The following AMPD3 variants were observed in gnomAD, a reference collection of about 807,000 sequenced individuals.
AMPD3 encodes the protein AMP deaminase 3.
AMPD3 carries 57 observed loss-of-function variants against 82.3 expected under a neutral mutation model. The ratio of observed to expected loss-of-function variants is 0.69; its 90% CI spans 0.56 to 0.86. The LOEUF is 0.86. Among genes scored for constraint, AMPD3 ranks in the 40% least tolerant of loss-of-function variants. The pLI is 0.00. For missense variants in AMPD3, 870 were observed against 1,003.8 expected, an observed-to-expected ratio of 0.87 and a Z score of 1.80; for synonymous variants, 381 against 394.7, an observed-to-expected ratio of 0.97 and a Z score of 0.41.
At chr11:10,497,506 AG>A (rs1849448159) in intron 10 of AMPD3, 3 of 908,284 alleles carry the variant, frequency 3.3e-6, no homozygotes, top group South Asian at 5.0e-5. Flanking sequence ...CCTGGGATCG[AG>A]GGGGTATCAG....
rs200373616 is a variant in AMPD3 at position 10,484,830 on chromosome 11, T to G, written c.600T>G (p.Pro200=). ...AATCCTGTTTTGCAGACTTCCACCC[T>G]CCTCCACTGCCCCAGGAAGACCCCT... ...PPEEGLPDFH[P]PPLPQEDPYC... The change falls in exon 5 of 15, where the codon CCT becomes CCG. Residue 200 remains proline (P), a synonymous_variant. Transcript: ENST00000396553. The G allele has an allele frequency of 2.7e-5, 44 of 1,613,938 alleles. No individual in the cohort carries two copies. In the Admixed American group the frequency reaches 4.0e-4, roughly 15 times the overall value.
In AMPD3 at chr11:10,461,591, G is replaced by A; in HGVS notation, c.72G>A (p.Val24=). The A allele has an allele frequency of 1.9e-6, 3 of 1,614,254 alleles. No homozygotes were observed. Among genetic ancestry groups the A allele is most frequent in the Non-Finnish European group, 1.7e-6 (2 of 1,180,046 alleles). Residue 24 remains valine (V), a synonymous_variant, in exon 2 of 15, where the codon GTG becomes GTA. Transcript: ENST00000396553. ...AAGTCCGGCTCCTGGCGGAGAAGGT[G>A]TTTGCTAAAGTGCTCCGAGAAGAGG... is the stretch of plus-strand genomic sequence containing the variant. ...DEQVRLLAEK[V]FAKVLREEDS... is the part of the protein sequence containing the mutation.
chr11:10,471,999 G>A (rs1341725410), intron 2 of AMPD3, among the ~76,000 whole-genome samples: 1 of 152,182 alleles, frequency 6.6e-6, no homozygotes. Context: ...GCACACGTAT[G>A]TTTATTGCAG....
intron 14 of AMPD3, 56 bp downstream of exon 14, chr11:10,504,715 G>A: frequency 1.3e-6 from 2 of 1,505,964 alleles, no homozygotes; most frequent in Non-Finnish European, 1.8e-6. Flanking sequence ...CCTGCTGTGT[G>A]CCAGGAGCCT....
Position 10,482,040 on chromosome 11 carries a change from T to C in AMPD3, c.427-23T>C, listed in dbSNP as rs769842903. On this transcript the variant is annotated intron_variant, in intron 3 of 14. Transcript: ENST00000396553. ...TCTCAGGCCTGCTGCATGAACCCTT[T>C]CCTGCCTGCCTCCCTTCTGCAGATC... The C allele has an allele frequency of 8.8e-5, 142 of 1,614,054 alleles. 2 individuals are homozygous for C. In the South Asian group the frequency reaches 1.4e-3, roughly 15 times the overall value.
At chr11:10,502,361 G>T (rs1849603180) in intron 12 of AMPD3, 3 of 985,458 alleles carry the variant, frequency 3.0e-6, no homozygotes, top group Non-Finnish European at 3.6e-6. Flanking sequence ...ACAGCTAGAG[G>T]GGGGCATCTT....
At chr11:10,451,072 C>T (rs764081067), upstream of AMPD3, 70 of 1,565,584 alleles carry the variant, frequency 4.5e-5, no homozygotes, top group Non-Finnish European at 5.3e-5. Context: ...GCGCTGCTGA[C>T]CTTGGGCCAG....
chr11:10,503,349 G>A (rs573387757), intron 13 of AMPD3, among the ~76,000 whole-genome samples: 20 of 152,236 alleles, frequency 1.3e-4, no homozygotes, highest in African/African-American at 4.8e-4. Context: ...TACACTTTGG[G>A]TCTCTGGGAA....
At chr11:10,458,810 A>C (rs1338815908) in intron 1 of AMPD3, among the ~76,000 whole-genome samples, 6 of 152,170 alleles carry the variant, frequency 3.9e-5, no homozygotes, top group Non-Finnish European at 7.4e-5. Flanking sequence ...TGTAGAAGTA[A>C]AGTTGCTTAG....
At chr11:10,505,278 A>G in intron 14 of AMPD3, 1 of 978,244 alleles carries the variant, frequency 1.0e-6, no homozygotes. Flanking sequence ...TGCTCGTCGG[A>G]TGATGATGCA....
In AMPD3 at chr11:10,487,423, A is replaced by T. The variant is rs1194346537; in HGVS notation, c.939+59A>T. 1.9e-6 allele frequency: 3 copies of T among 1,609,548 alleles called. No individual in the cohort carries two copies. In the African/African-American group the frequency reaches 4.0e-5, roughly 22 times the overall value. ...CCCGGTCCCCCTCCCAGCCCATGGG[A>T]TGCCCTGAGCCAGTCTGAGGCTTGT... On this transcript the variant is annotated intron_variant, in intron 6 of 14. Coordinates refer to ENST00000396553, the MANE Select transcript of AMPD3 (RefSeq NM_001025389.2).
At chr11:10,482,311 C>T (rs1848934517) in intron 4 of AMPD3, 86 bp downstream of exon 4, 2 of 1,452,074 alleles carry the variant, frequency 1.4e-6, no homozygotes, top group African/African-American at 1.4e-5. Context: ...GTCTATTTCC[C>T]CTGATAGTAT....
At chr11:10,493,739 T>C (rs1242857134) in intron 7 of AMPD3, 196 bp downstream of exon 7, 2 of 703,208 alleles carry the variant, frequency 2.8e-6, no homozygotes, top group Non-Finnish European at 5.0e-6. Flanking sequence ...AGAGGGTGTG[T>C]GGCTTGGGGC....
At chr11:10,460,275 C>CT (rs910616713) in intron 1 of AMPD3, among the ~76,000 whole-genome samples, 11 of 149,536 alleles carry the variant, frequency 7.4e-5, no homozygotes, top group Non-Finnish European at 1.6e-4. Context: ...TTCTTTAAAT[C>CT]TTTTTTAGGG....
At chr11:10,480,417 C>T (rs953778830) in intron 3 of AMPD3, among the ~76,000 whole-genome samples, 5 of 149,998 alleles carry the variant, frequency 3.3e-5, no homozygotes, top group African/African-American at 1.2e-4. Context: ...CAGAAGCCAT[C>T]CACTGGAAGA....
intron 13 of AMPD3, chr11:10,504,273 G>C: frequency 1.0e-6 from 1 of 972,418 alleles, no homozygotes; most frequent in Middle Eastern, 5.3e-4. Flanking sequence ...AGCAGAGACT[G>C]CCATCCCTGA....
In AMPD3 at chr11:10,487,179, A is replaced by G. The variant is rs182858373; in HGVS notation, c.810-56A>G. The G allele has an allele frequency of 2.1e-5, 34 of 1,611,578 alleles. No individual in the cohort carries two copies. The African/African-American group carries it at 4.1e-4, about 20-fold the overall frequency. The stretch of plus-strand genomic sequence containing the variant: ...GCCCCTGCAGATGCTGGAGGCCTCC[A>G]AACTGGAGAGCTCGATGCGACTCAA... On this transcript the variant is annotated intron_variant, in intron 5 of 14. Coordinates refer to ENST00000396553, the MANE Select transcript of AMPD3 (RefSeq NM_001025389.2).
At chr11:10,461,969 A>G (rs1310824119) in intron 2 of AMPD3, among the ~76,000 whole-genome samples, 1 of 152,192 alleles carries the variant, frequency 6.6e-6, no homozygotes, top group African/African-American at 2.4e-5. Context: ...GTGAAAAAAT[A>G]CACACCATTT....
upstream of AMPD3, chr11:10,450,515 G>T: frequency 3.0e-6 from 3 of 986,156 alleles, no homozygotes; most frequent in Non-Finnish European, 3.6e-6. Context: ...GAGGACGTCG[G>T]GCAAGCCCGG....
Sources: gnomAD v4.1 joint callset for allele counts (sites outside exome capture counted in the v4.1 genomes callset) on GRCh38, gnomAD v4.1.1 for gene constraint, MANE v1.5 for transcripts, NCBI Gene and HGNC (gene_info 2026-07-23, HGNC 2026-07-21) for gene names.